The following MAF variants were observed in gnomAD, a reference collection of about 807,000 sequenced individuals.
MAF encodes transcription factor Maf.
A neutral mutation model predicts 22.0 loss-of-function variants in MAF; 10 were observed. The observed-to-expected ratio is 0.45, with a 90% CI of 0.28 to 0.77. The LOEUF (loss-of-function observed/expected upper bound fraction) is 0.77. Ranked by LOEUF, MAF falls within the 30% of genes least tolerant of loss-of-function variation. MAF has a pLI of 0.12. For synonymous variants in MAF, 337 were observed against 255.8 expected (o/e 1.32, Z -3.03); for missense variants, 544 against 548.4 (o/e 0.99, Z 0.08).
chr16:79,212,376 G>C, the MAF span: 1 of 509,756 alleles, frequency 2.0e-6, no homozygotes, highest in East Asian at 3.2e-5. Flanking sequence ...AGAATACGCA[G>C]AACTACCAGG....
the MAF span, among the ~76,000 whole-genome samples, chr16:79,522,279 C>T: frequency 0.059 from 9,032 of 152,298 alleles, 348 homozygotes; most frequent in South Asian, 0.11. Flanking sequence ...ATAGAAGCCA[C>T]ATTTCTCTTT....
the MAF span, among the ~76,000 whole-genome samples, chr16:79,575,223 C>A: frequency 6.6e-6 from 1 of 152,064 alleles, no homozygotes; most frequent in Non-Finnish European, 1.5e-5. Flanking sequence ...GTTTCCCTCT[C>A]CCCTATTGTG....
At chr16:79,542,166 C>T in the MAF span, among the ~76,000 whole-genome samples, 1 of 152,080 alleles carries the variant, frequency 6.6e-6, no homozygotes, top group Admixed American at 6.5e-5. Context: ...ACACGGGGCT[C>T]CTGGAGCAAG....
At chr16:79,209,465 G>A in the MAF span, among the ~76,000 whole-genome samples, 1 of 152,226 alleles carries the variant, frequency 6.6e-6, no homozygotes, top group Non-Finnish European at 1.5e-5. Flanking sequence ...TGAAAGGCCA[G>A]TCTGTCATGA....
chr16:79,584,512 A>C (rs926030369), downstream of MAF, among the ~76,000 whole-genome samples: 6 of 152,230 alleles, frequency 3.9e-5, no homozygotes, highest in Admixed American at 1.3e-4. Flanking sequence ...CTTATATGAA[A>C]TATTACCAGG....
chr16:79,585,043 C>T (rs1476749821), downstream of MAF, among the ~76,000 whole-genome samples: 4 of 152,126 alleles, frequency 2.6e-5, no homozygotes, highest in African/African-American at 9.7e-5. Context: ...ATGCAAATTT[C>T]TCAGCAAGCA....
At chr16:79,474,782 C>A in the MAF span, among the ~76,000 whole-genome samples, 1 of 152,082 alleles carries the variant, frequency 6.6e-6, no homozygotes, top group Non-Finnish European at 1.5e-5. Context: ...AAGGGACCAT[C>A]CCATGTCAGG....
the MAF span, among the ~76,000 whole-genome samples, chr16:79,408,323 C>T: frequency 6.6e-6 from 1 of 151,838 alleles, no homozygotes; most frequent in Non-Finnish European, 1.5e-5. Flanking sequence ...ATTACAGGTG[C>T]CTGCCACCAC....
At chr16:79,342,602 A>G in the MAF span, among the ~76,000 whole-genome samples, 4 of 151,914 alleles carry the variant, frequency 2.6e-5, no homozygotes, top group Non-Finnish European at 5.9e-5. Context: ...CACCATCATC[A>G]TCATTGTCAC....
At chr16:79,498,433 G>A in the MAF span, among the ~76,000 whole-genome samples, 1 of 152,206 alleles carries the variant, frequency 6.6e-6, no homozygotes, top group Admixed American at 6.5e-5. Flanking sequence ...GTTTTCAACA[G>A]TTGAAAAACT....
chr16:79,333,356 T>G, the MAF span, among the ~76,000 whole-genome samples: 1 of 152,148 alleles, frequency 6.6e-6, no homozygotes, highest in Non-Finnish European at 1.5e-5. Flanking sequence ...CTGTCAGAAG[T>G]AGTCAGGAGA....
the MAF span, among the ~76,000 whole-genome samples, chr16:79,332,790 G>C: frequency 6.6e-6 from 1 of 152,208 alleles, no homozygotes; most frequent in Non-Finnish European, 1.5e-5. Flanking sequence ...AAGCAGTGAA[G>C]TTAGGCTTTG....
the MAF span, among the ~76,000 whole-genome samples, chr16:79,274,497 A>C: frequency 1.3e-5 from 2 of 152,152 alleles, no homozygotes; most frequent in East Asian, 3.9e-4. Flanking sequence ...TCTGGTGTCC[A>C]GGGAGCACTG....
the MAF span, among the ~76,000 whole-genome samples, chr16:79,489,207 C>T: frequency 6.6e-6 from 1 of 152,002 alleles, no homozygotes; most frequent in East Asian, 1.9e-4. Context: ...CCATCTATTC[C>T]TCTATCTATC....
At chr16:79,519,455 T>G in the MAF span, among the ~76,000 whole-genome samples, 3 of 152,178 alleles carry the variant, frequency 2.0e-5, no homozygotes, top group African/African-American at 7.2e-5. Flanking sequence ...CAGAACACGT[T>G]TCCAGGGAGA....
At chr16:79,561,737 T>G in the MAF span, among the ~76,000 whole-genome samples, 150,600 of 152,258 alleles carry the variant, frequency 0.99, 74,497 homozygotes, top group East Asian at 1. Flanking sequence ...CAAAGCCAAA[T>G]AAAAATTAGA....
chr16:79,438,194 G>C, the MAF span, among the ~76,000 whole-genome samples: 20 of 152,180 alleles, frequency 1.3e-4, no homozygotes, highest in Non-Finnish European at 1.9e-4. Context: ...GGTTCCCTCA[G>C]GCATTTCCAA....
chr16:79,253,853 A>G, the MAF span, among the ~76,000 whole-genome samples: 2 of 151,990 alleles, frequency 1.3e-5, no homozygotes, highest in African/African-American at 2.4e-5. Flanking sequence ...GCAATCACCT[A>G]AAGAATCCTA....
the MAF span, among the ~76,000 whole-genome samples, chr16:79,559,131 A>G: frequency 6.6e-6 from 1 of 152,126 alleles, no homozygotes; most frequent in South Asian, 2.1e-4. Flanking sequence ...GCCTGAGGAC[A>G]CTGGCCGTGG....
Sources: gnomAD v4.1 joint callset for allele counts (sites outside exome capture counted in the v4.1 genomes callset) on GRCh38, gnomAD v4.1.1 for gene constraint, MANE v1.5 for transcripts, NCBI Gene and HGNC (gene_info 2026-07-23, HGNC 2026-07-21) for gene names.